ARSG: variants seen among roughly 807,000 people sequenced by gnomAD.
ARSG encodes ASG.
ARSG carries 37 observed loss-of-function variants against 50.5 expected under a neutral mutation model. That is an observed-to-expected ratio of 0.73 (90% confidence interval 0.56 to 0.96). The LOEUF is 0.96. ARSG is among the 50% of genes least tolerant of loss of function. ARSG has a pLI of 0.00. For synonymous variants in ARSG, 225 were observed against 254.6 expected, an observed-to-expected ratio of 0.88 and a Z score of 1.11; for missense variants, 629 against 675.3, an observed-to-expected ratio of 0.93 and a Z score of 0.76.
At chr17:68,266,395 A>G (rs1490107731) in intron 1 of ARSG, among the ~76,000 whole-genome samples, 1 of 92,626 alleles carries the variant, frequency 1.1e-5, no homozygotes, top group East Asian at 4.0e-4. Context: ...ATATGTATAT[A>G]TATACTTTTT....
Position 68,307,234 on chromosome 17 carries a change from A to G in ARSG, c.-260A>G, listed in dbSNP as rs1599648760. On this transcript the variant is annotated 5_prime_UTR_variant, in exon 2 of 12. Coordinates refer to ENST00000621439, the MANE Select transcript of ARSG (RefSeq NM_001267727.2). ...GCGGTGAGGAAACACTGACCATAGAAGATCAAGCCAAATGAGGGATTGCAA... is the reference window on the plus strand; with the variant it reads ...GCGGTGAGGAAACACTGACCATAGAGGATCAAGCCAAATGAGGGATTGCAA... 1 of 496,476 alleles carries G rather than the reference A, an allele frequency of 2.0e-6. No individual in the cohort carries two copies. The highest frequency in any genetic ancestry group is 3.4e-5 in the East Asian group (1 of 29,488). 30.8% of individuals were successfully genotyped at this position (496,476 alleles called of 1,614,324 possible). A position where few individuals can be genotyped will look rare whatever the true frequency, so the allele number is the denominator to read the frequency against.
At chr17:68,373,741 A>G (rs2146813930) in intron 8 of ARSG, among the ~76,000 whole-genome samples, 1 of 152,038 alleles carries the variant, frequency 6.6e-6, no homozygotes, top group African/African-American at 2.4e-5. Flanking sequence ...CTCTCTCTAT[A>G]TATATGTATA....
At chr17:68,273,973 G>A in intron 1 of ARSG, 1 of 1,614,202 alleles carries the variant, frequency 6.2e-7, no homozygotes, top group Non-Finnish European at 8.5e-7. Flanking sequence ...CCTCTTGTGA[G>A]AAGGAGGCGG....
chr17:68,308,308 C>A (rs139873921), intron 2 of ARSG, among the ~76,000 whole-genome samples: 1 of 152,100 alleles, frequency 6.6e-6, no homozygotes, highest in African/African-American at 2.4e-5. Context: ...TAAGGTGGCA[C>A]GTCTGGAGTT....
downstream of ARSG, chr17:68,427,421 A>G: frequency 2.1e-6 from 1 of 483,852 alleles, no homozygotes; most frequent in East Asian, 3.9e-5. Flanking sequence ...CAGTGGCGCA[A>G]TCTCGGCTCA....
chr17:68,392,757 T>C (rs1003884714), intron 9 of ARSG, among the ~76,000 whole-genome samples: 2 of 152,160 alleles, frequency 1.3e-5, no homozygotes, highest in African/African-American at 4.8e-5. Context: ...ACCTCAGCCT[T>C]CCAAAGTGTT....
chr17:68,426,731 CA>C (rs1337854845), downstream of ARSG, among the ~76,000 whole-genome samples: 1 of 152,126 alleles, frequency 6.6e-6, no homozygotes, highest in Non-Finnish European at 1.5e-5. Context: ...GATGGGGTTT[CA>C]CCATGTTGGC....
At chr17:68,309,817 C>T (rs2076775378) in intron 2 of ARSG, among the ~76,000 whole-genome samples, 1 of 151,016 alleles carries the variant, frequency 6.6e-6, no homozygotes, top group Non-Finnish European at 1.5e-5. Context: ...TGAGATCGCA[C>T]CACTGCACTC....
chr17:68,385,040 C>G (rs368637661), intron 8 of ARSG, 24 bp from the exon 9 acceptor site: 7 of 1,597,650 alleles, frequency 4.4e-6, no homozygotes, highest in Non-Finnish European at 6.0e-6. Flanking sequence ...ATGGATGAAC[C>G]AGCTGCCTCC....
chr17:68,372,111 TG>T (rs2079874676), intron 8 of ARSG, among the ~76,000 whole-genome samples: 1 of 152,198 alleles, frequency 6.6e-6, no homozygotes, highest in African/African-American at 2.4e-5. Context: ...GAGGTGGACC[TG>T]GCAAGTTTAC....
At chr17:68,280,498 C>T (rs2075660283) in intron 1 of ARSG, among the ~76,000 whole-genome samples, 1 of 152,150 alleles carries the variant, frequency 6.6e-6, no homozygotes, top group Admixed American at 6.5e-5. Context: ...TGTCTACACC[C>T]AACTGATTTT....
At chr17:68,314,137 G>A (rs961369202) in intron 2 of ARSG, among the ~76,000 whole-genome samples, 12 of 152,202 alleles carry the variant, frequency 7.9e-5, no homozygotes, top group South Asian at 2.1e-4. Context: ...CTGTGGCCCC[G>A]GGCAAACTGC....
At chr17:68,346,908 C>T in intron 3 of ARSG, 2 of 1,477,668 alleles carry the variant, frequency 1.4e-6, no homozygotes, top group Non-Finnish European at 1.8e-6. Context: ...ACTGTGGTTT[C>T]CCGTGTGAGT....
At chr17:68,359,213 C>CA in intron 6 of ARSG, among the ~76,000 whole-genome samples, 1 of 152,140 alleles carries the variant, frequency 6.6e-6, no homozygotes, top group Non-Finnish European at 1.5e-5. Flanking sequence ...ACCCAAAAAA[C>CA]AAAAAAGCAA....
chr17:68,356,766 G>A lies in ARSG; in HGVS notation c.666G>A (p.Lys222=), dbSNP rs779268863. ...TGAACTTGAGCAGCCTTGCCCAGAAGTATGCTGAGAAAGCAACCCAGTTCA... is the reference window on the plus strand; with the variant it reads ...TGAACTTGAGCAGCCTTGCCCAGAAATATGCTGAGAAAGCAACCCAGTTCA... ...QPVNLSSLAQ[K]YAEKATQFIQ... is the part of the protein sequence containing the mutation. Residue 222 remains lysine, a synonymous_variant, in exon 6 of 12, where the codon AAG becomes AAA. Transcript: ENST00000621439. The A allele has an allele frequency of 1.9e-6, 3 of 1,614,172 alleles. No individual in the cohort carries two copies. The highest frequency in any genetic ancestry group is 2.5e-6 in the Non-Finnish European group (3 of 1,180,040).
At chr17:68,272,466 G>A (rs2075372748) in intron 1 of ARSG, among the ~76,000 whole-genome samples, 3 of 152,206 alleles carry the variant, frequency 2.0e-5, no homozygotes, top group Non-Finnish European at 2.9e-5. Context: ...AATACCTAAA[G>A]TGGGGGTTAG....
At position 68,395,131 on chromosome 17, in the gene ARSG, C is replaced by A. The variant is rs150072981; in HGVS notation, c.1150C>A (p.Arg384=). The A allele has an allele frequency of 5.6e-6, 9 of 1,614,114 alleles. No homozygotes were observed. In the East Asian group the frequency reaches 2.0e-4, roughly 36 times the overall value. Residue 384 remains arginine, a synonymous_variant, in exon 10 of 12, where the codon CGG becomes AGG. Coordinates refer to ENST00000621439, the MANE Select transcript of ARSG (RefSeq NM_001267727.2). ...ALAQASLPQG[R]RFDGVDVSEV... Reference sequence around the variant, plus strand: ...GGCCCAGGCCAGCTTACCTCAAGGACGGCGCTTTGATGGTGTGGACGTCTC... The same window carrying A: ...GGCCCAGGCCAGCTTACCTCAAGGAAGGCGCTTTGATGGTGTGGACGTCTC...
At chr17:68,289,163 T>C (rs1221147070), upstream of ARSG, among the ~76,000 whole-genome samples, 2 of 152,042 alleles carry the variant, frequency 1.3e-5, no homozygotes, top group Non-Finnish European at 2.9e-5. Flanking sequence ...CCGGGCAACA[T>C]AGTGAGGCTG....
intron 1 of ARSG, chr17:68,278,412 G>T: frequency 1.3e-6 from 1 of 765,886 alleles, no homozygotes; most frequent in Non-Finnish European, 2.2e-6. Flanking sequence ...CAACAGATAA[G>T]AACTACTTAC....
Sources: gnomAD v4.1 joint callset for allele counts (sites outside exome capture counted in the v4.1 genomes callset) on GRCh38, gnomAD v4.1.1 for gene constraint, MANE v1.5 for transcripts, NCBI Gene and HGNC (gene_info 2026-07-23, HGNC 2026-07-21) for gene names.